Variants in COP1 observed in about 807,000 individuals in gnomAD.
The protein encoded by COP1 is COP1 E3 ubiquitin ligase.
In COP1, 24 loss-of-function variants were observed where a neutral mutation model predicts 101.3. The observed-to-expected ratio is 0.24, with a 90% CI of 0.17 to 0.33. COP1 has a LOEUF of 0.33. Among genes scored for constraint, COP1 ranks in the 10% least tolerant of loss-of-function variants. The probability of loss-of-function intolerance (pLI) is 1.00; values close to 1 mark genes in which losing one functional copy is unlikely to be tolerated. For synonymous variants in COP1, 347 were observed against 341.9 expected (o/e 1.01, Z -0.17); for missense variants, 663 against 906.2 (o/e 0.73, Z 3.45).
intron 18 of COP1, among the ~76,000 whole-genome samples, chr1:175,986,218 A>G (rs890209656): frequency 2.0e-4 from 30 of 152,156 alleles, no homozygotes; most frequent in African/African-American, 7.0e-4. Context: ...ACAGGGTTTC[A>G]CCGTGTTAGC....
intron 18 of COP1, among the ~76,000 whole-genome samples, chr1:175,963,796 A>C (rs1651673904): frequency 6.6e-6 from 1 of 152,178 alleles, no homozygotes; most frequent in South Asian, 2.1e-4. Context: ...TCTAGGGTCA[A>C]TAATTTCAGG....
Position 176,055,874 on chromosome 1 carries a change from A to G in COP1, c.1278-9550T>C, listed in dbSNP as rs998779097. On this transcript the variant is annotated intron_variant, in intron 11 of 19. Transcript: ENST00000367669. ...TTTAGGTTTACTTTGTTCTTTCTCT[A>G]ATTTCTTTGCTTGGTTGTTTAATTA... is the stretch of plus-strand genomic sequence containing the variant. Among the ~76,000 whole-genome samples, 5 of 151,418 alleles carry G rather than the reference A, an allele frequency of 3.3e-5. No homozygotes were observed. In the East Asian group the frequency reaches 9.6e-4, roughly 29 times the overall value.
At chr1:176,089,291 T>G (rs1265855965) in intron 9 of COP1, among the ~76,000 whole-genome samples, 1 of 68,654 alleles carries the variant, frequency 1.5e-5, no homozygotes, top group Non-Finnish European at 2.8e-5. Flanking sequence ...AGACTCTGTC[T>G]AAAACAATAA....
intron 8 of COP1, among the ~76,000 whole-genome samples, chr1:176,126,980 C>A (rs1255012574): frequency 6.6e-6 from 1 of 152,148 alleles, no homozygotes; most frequent in Non-Finnish European, 1.5e-5. Flanking sequence ...TCAATTCACT[C>A]ACATATCTTA....
intron 4 of COP1, 117 bp downstream of exon 4, chr1:176,163,698 C>T (rs912732990): frequency 1.4e-5 from 9 of 622,268 alleles, no homozygotes; most frequent in Non-Finnish European, 2.2e-5. Context: ...CAATCCTAAA[C>T]AATCGCCTTT....
chr1:175,950,956 T>A (rs1388221449), intron 18 of COP1, among the ~76,000 whole-genome samples: 1 of 152,110 alleles, frequency 6.6e-6, no homozygotes, highest in African/African-American at 2.4e-5. Context: ...GACAATACAT[T>A]AAAAATCTGG....
At chr1:176,036,515 A>C (rs545617568) in intron 14 of COP1, among the ~76,000 whole-genome samples, 10 of 149,946 alleles carry the variant, frequency 6.7e-5, no homozygotes, top group East Asian at 1.9e-4. Flanking sequence ...AACAAAAAAA[A>C]AAAAAAAAAA....
chr1:176,180,357 T>TC (rs2101984058), intron 2 of COP1, among the ~76,000 whole-genome samples: 1 of 152,284 alleles, frequency 6.6e-6, no homozygotes, highest in South Asian at 2.1e-4. Context: ...CTCTAATTCA[T>TC]TCTCATTCAT....
rs530607209 is a variant in COP1, at chr1:175,980,816, C to T, written c.2133+6127G>A. On this transcript the variant is annotated intron_variant, in intron 18 of 19. Transcript: ENST00000367669. The stretch of plus-strand genomic sequence containing the variant: ...CTTAGGATTGGTGAGTAGCTAAGTA[C>T]GTATGTTACGGTTCAGAGCTGACAA... 8.5e-5 allele frequency among the ~76,000 whole-genome samples: 13 copies of T among 152,174 alleles called. No individual in the cohort carries two copies. The East Asian group carries it at 1.2e-3, about 14-fold the overall frequency.
intron 15 of COP1, among the ~76,000 whole-genome samples, chr1:176,004,619 T>A (rs1662624404): frequency 6.6e-6 from 1 of 152,120 alleles, no homozygotes; most frequent in Non-Finnish European, 1.5e-5. Flanking sequence ...TCATGTGGTT[T>A]TTGTCTTTGG....
chr1:175,979,685 G>A (rs1655349495), intron 18 of COP1, among the ~76,000 whole-genome samples: 1 of 151,936 alleles, frequency 6.6e-6, no homozygotes, highest in Non-Finnish European at 1.5e-5. Context: ...TATCCCAAGG[G>A]GCAAAATGGT....
At position 175,997,839 on chromosome 1, in the gene COP1, G is replaced by A. The variant is rs1209561695; in HGVS notation, c.1730-8360C>T. On this transcript the variant is annotated intron_variant, in intron 15 of 19. Coordinates refer to ENST00000367669, the MANE Select transcript of COP1 (RefSeq NM_022457.7). ...GTTCAACCATTGTGAAAGTCAGCGT[G>A]GCAATTCCTCAGGGATCTAGAACTA... Among the ~76,000 whole-genome samples the A allele has an allele frequency of 3.3e-5, 5 of 152,020 alleles. No individual in the cohort carries two copies. The East Asian group carries it at 7.7e-4, about 23-fold the overall frequency.
intron 15 of COP1, among the ~76,000 whole-genome samples, chr1:176,001,524 G>A (rs995008236): frequency 2.0e-5 from 3 of 152,046 alleles, no homozygotes; most frequent in African/African-American, 7.2e-5. Context: ...TAATAAAAGC[G>A]AGATATTTCG....
chr1:176,158,314 A>G (rs1321057044), intron 5 of COP1, among the ~76,000 whole-genome samples: 1 of 152,152 alleles, frequency 6.6e-6, no homozygotes, highest in African/African-American at 2.4e-5. Flanking sequence ...TTCAAACACA[A>G]AAGTAAAATA....
intron 18 of COP1, among the ~76,000 whole-genome samples, chr1:175,975,493 T>G (rs938272489): frequency 3.3e-5 from 5 of 152,186 alleles, no homozygotes; most frequent in Non-Finnish European, 7.3e-5. Context: ...CACTGCAATC[T>G]CTGCCTCCTG....
At chr1:176,011,070 G>A (rs932624906) in intron 15 of COP1, among the ~76,000 whole-genome samples, 2 of 152,112 alleles carry the variant, frequency 1.3e-5, no homozygotes, top group Non-Finnish European at 2.9e-5. Flanking sequence ...AATTAAAACA[G>A]ATTTTAGTTT....
Position 176,132,168 on chromosome 1 carries a change from G to A in COP1, c.968+2842C>T, listed in dbSNP as rs1308713759. Among the ~76,000 whole-genome samples the A allele has an allele frequency of 2.6e-5, 4 of 151,820 alleles. No individual in the cohort carries two copies. The South Asian group carries it at 8.3e-4, about 31-fold the overall frequency. ...CCAGCTTCCAATGTCAAGGGGTTGAGAGGGACACATCTTCTCTGTCCTCCA... is the reference window on the plus strand; with the variant it reads ...CCAGCTTCCAATGTCAAGGGGTTGAAAGGGACACATCTTCTCTGTCCTCCA... On this transcript the variant is annotated intron_variant, in intron 8 of 19. Transcript: ENST00000367669.
At chr1:176,015,667 G>C (rs1262317844) in intron 15 of COP1, among the ~76,000 whole-genome samples, 2 of 152,148 alleles carry the variant, frequency 1.3e-5, no homozygotes, top group African/African-American at 4.8e-5. Context: ...CTCAATTCCT[G>C]CCTAAGCTGG....
chr1:176,061,740 T>G (rs1318010818), intron 11 of COP1, among the ~76,000 whole-genome samples: 1 of 152,184 alleles, frequency 6.6e-6, no homozygotes, highest in Non-Finnish European at 1.5e-5. Flanking sequence ...GCTAAAGTTA[T>G]TACAATGATA....
Sources: gnomAD v4.1 joint callset for allele counts (sites outside exome capture counted in the v4.1 genomes callset) on GRCh38, gnomAD v4.1.1 for gene constraint, MANE v1.5 for transcripts, NCBI Gene and HGNC (gene_info 2026-07-23, HGNC 2026-07-21) for gene names.